RELT: variants seen among roughly 807,000 people sequenced by gnomAD.
The protein encoded by RELT is RELT TNF receptor.
RELT carries 37 observed loss-of-function variants against 51.1 expected under a neutral mutation model. The ratio of observed to expected loss-of-function variants is 0.72; its 90% CI spans 0.56 to 0.95. The LOEUF (loss-of-function observed/expected upper bound fraction) is 0.95, where lower values mean the gene tolerates loss of function less well. RELT is among the 40% of genes least tolerant of loss of function. RELT has a pLI of 0.00. For synonymous variants in RELT, 241 were observed against 235.7 expected, an observed-to-expected ratio of 1.02 and a Z score of -0.21; for missense variants, 535 against 572.6, an observed-to-expected ratio of 0.93 and a Z score of 0.67.
chr11:73,378,660 T>C (rs972235046), intron 1 of RELT, among the ~76,000 whole-genome samples: 1 of 152,212 alleles, frequency 6.6e-6, no homozygotes, highest in African/African-American at 2.4e-5. Flanking sequence ...GGGCATTACA[T>C]TGTGAGTTCT....
At chr11:73,385,240 A>G (rs1353386516) in intron 1 of RELT, among the ~76,000 whole-genome samples, 2 of 152,140 alleles carry the variant, frequency 1.3e-5, no homozygotes, top group Non-Finnish European at 2.9e-5. Context: ...GTGGCGTGGC[A>G]GGGCCCGGGT....
intron 6 of RELT, 169 bp downstream of exon 6, chr11:73,392,637 A>T (rs1866237474): frequency 2.1e-6 from 3 of 1,409,858 alleles, no homozygotes; most frequent in Non-Finnish European, 2.8e-6. Context: ...AAGGGGACGA[A>T]GGTGTGGCCG....
Position 73,394,997 on chromosome 11 carries a change from T to C in RELT, c.1047-90T>C, listed in dbSNP as rs915233529. 12 of 1,211,358 alleles carry C rather than the reference T, an allele frequency of 9.9e-6. No homozygotes were observed. The highest frequency in any genetic ancestry group is 1.2e-5 in the Non-Finnish European group (10 of 837,814). 75.0% of individuals were successfully genotyped at this position (1,211,358 alleles called of 1,614,324 possible). A position where few individuals can be genotyped will look rare whatever the true frequency, so the allele number is the denominator to read the frequency against. Reference sequence around the variant, plus strand: ...CCTCTCAGGCTAAGGCTCTGGTCCATGAACTTGCTGTGTGACCCCGGGCAC... The same window carrying C: ...CCTCTCAGGCTAAGGCTCTGGTCCACGAACTTGCTGTGTGACCCCGGGCAC... On this transcript the variant is annotated intron_variant, in intron 9 of 10. Transcript: ENST00000064780. The surrounding 1 kb of genome is among the most constrained non-coding windows in gnomAD (Gnocchi z 4.9).
At chr11:73,379,138 T>C (rs970169176) in intron 1 of RELT, among the ~76,000 whole-genome samples, 1 of 152,206 alleles carries the variant, frequency 6.6e-6, no homozygotes, top group Admixed American at 6.5e-5. Flanking sequence ...CTCTCTGCAA[T>C]GACTGGAGCT....
chr11:73,386,284 C>T (rs1866122594), intron 1 of RELT, among the ~76,000 whole-genome samples: 1 of 152,332 alleles, frequency 6.6e-6, no homozygotes, highest in Non-Finnish European at 1.5e-5. Flanking sequence ...TGTCAGGCAT[C>T]GGAGGCTCTG....
chr11:73,394,568 T>C lies in RELT; in HGVS notation c.880T>C (p.Cys294Arg). Reference sequence around the variant, plus strand: ...GGGCCTGGCCTCGCTCTCTGGCCCCTGCTGCTCCCGCTGTAGCCAGAAGAA... The same window carrying C: ...GGGCCTGGCCTCGCTCTCTGGCCCCCGCTGCTCCCGCTGTAGCCAGAAGAA... ...VQGLASLSGP[C>R]CSRCSQKKWP... Residue 294 changes from cysteine (C) to arginine (R), a missense_variant, in exon 9 of 11, where the codon TGC becomes CGC. Coordinates refer to ENST00000064780, the MANE Select transcript of RELT (RefSeq NM_152222.2). This position sits in a 1 kb window ranked among gnomAD's most constrained non-coding sequence, Gnocchi z 4.9. 2 of 1,612,596 alleles carry C rather than the reference T, an allele frequency of 1.2e-6. No homozygotes were observed. Among genetic ancestry groups the C allele is most frequent in the South Asian group, 1.1e-5 (1 of 91,088 alleles).
In RELT at chr11:73,388,990, C is replaced by A; in HGVS notation, c.-25-122C>A. 1 of 650,546 alleles carries A rather than the reference C, an allele frequency of 1.5e-6. No individual in the cohort carries two copies. 40.3% of individuals were successfully genotyped at this position (650,546 alleles called of 1,614,324 possible). A position where few individuals can be genotyped will look rare whatever the true frequency, so the allele number is the denominator to read the frequency against. On this transcript the variant is annotated intron_variant, in intron 1 of 10. Coordinates refer to ENST00000064780, the MANE Select transcript of RELT (RefSeq NM_152222.2). This position sits in a 1 kb window ranked among gnomAD's most constrained non-coding sequence, Gnocchi z 4.1. The stretch of plus-strand genomic sequence containing the variant: ...GTGGAGCCGGCCTCCCCGGGCTCTG[C>A]CTGCCCAGCAGCACCTTGCCTGCTC...
intron 1 of RELT, among the ~76,000 whole-genome samples, chr11:73,377,035 C>T (rs950005451): frequency 4.6e-5 from 7 of 152,166 alleles, no homozygotes; most frequent in Non-Finnish European, 7.4e-5. Flanking sequence ...CCGGGCCGAG[C>T]GGGCGACACA....
At chr11:73,393,606 A>G (rs1187751226) in intron 6 of RELT, 2 of 1,490,304 alleles carry the variant, frequency 1.3e-6, no homozygotes, top group Admixed American at 2.0e-5. Context: ...TGAAGCCTCT[A>G]TGCACCCGGG....
In RELT at chr11:73,394,268, G is replaced by A. The variant is rs1468008291; in HGVS notation, c.739G>A (p.Glu247Lys). Residue 247 changes from glutamate to lysine, a missense_variant, in exon 8 of 11, where the codon GAG becomes AAG. Coordinates refer to ENST00000064780, the MANE Select transcript of RELT (RefSeq NM_152222.2). This position sits in a 1 kb window ranked among gnomAD's most constrained non-coding sequence, Gnocchi z 4.9. ...NAAALEELLK[E>K]YHSKQLVQTS... Reference sequence around the variant, plus strand: ...TGCGGCCCTGGAGGAGCTGCTGAAAGAGTACCACAGCAAACAGCTGGTGCA... The same window carrying A: ...TGCGGCCCTGGAGGAGCTGCTGAAAAAGTACCACAGCAAACAGCTGGTGCA... 1 of 1,611,786 alleles carries A rather than the reference G, an allele frequency of 6.2e-7. No homozygotes were observed. Among genetic ancestry groups the A allele is most frequent in the African/African-American group, 1.3e-5 (1 of 74,854 alleles).
chr11:73,391,055 A>T, intron 4 of RELT, 89 bp from the exon 5 acceptor site: 1 of 1,524,352 alleles, frequency 6.6e-7, no homozygotes, highest in South Asian at 1.1e-5. Flanking sequence ...AGGACCACGG[A>T]GGGTGCCTGG....
rs368848005 is a variant in RELT at position 73,389,158 on chromosome 11, C to T, written c.22C>T (p.Arg8Trp). 3.1e-5 allele frequency: 48 copies of T among 1,550,842 alleles called. No individual in the cohort carries two copies. The highest frequency in any genetic ancestry group is 3.5e-4 in the Middle Eastern group (2 of 5,636). The change falls in exon 2 of 11, where the codon CGG becomes TGG. Residue 8 changes from arginine to tryptophan, a missense_variant. Transcript: ENST00000064780. MKPSLLC[R>W]PLSCFLMLLP... ...GAGGATGAAGCCAAGTCTGCTGTGC[C>T]GGCCCCTGTCCTGCTTCCTTATGGT...
rs923278675 is a variant in RELT, at chr11:73,388,199, G to C, written c.-25-913G>C. ...CTGCACTCCCACTCTGCTTTATTTC[G>C]TTTCTTGGCACTTACCACCAAATGG... On this transcript the variant is annotated intron_variant, in intron 1 of 10. Coordinates refer to ENST00000064780, the MANE Select transcript of RELT (RefSeq NM_152222.2). This position sits in a 1 kb window ranked among gnomAD's most constrained non-coding sequence, Gnocchi z 4.1. Among the ~76,000 whole-genome samples, 9 of 152,332 alleles carry C rather than the reference G, an allele frequency of 5.9e-5. No individual in the cohort carries two copies. The highest frequency in any genetic ancestry group is 2.2e-4 in the African/African-American group (9 of 41,576).
intron 5 of RELT, among the ~76,000 whole-genome samples, 200 bp downstream of exon 5, chr11:73,391,423 G>A (rs1866213393): frequency 6.6e-6 from 1 of 152,204 alleles, no homozygotes; most frequent in Non-Finnish European, 1.5e-5. Context: ...CCATGCTTCC[G>A]AGTGGCAGAG....
chr11:73,391,103 G>C, intron 4 of RELT, 41 bp from the exon 5 acceptor site: 1 of 1,597,810 alleles, frequency 6.3e-7, no homozygotes, highest in South Asian at 1.1e-5. Context: ...ATAGTGTTTG[G>C]GGAAACTTCT....
At position 73,388,960 on chromosome 11, in the gene RELT, C is replaced by CGGG. The variant is rs1296184925; in HGVS notation, c.-25-151_-25-149dup. Among the ~76,000 whole-genome samples the CGGG allele has an allele frequency of 6.6e-6, 1 of 152,164 alleles. No homozygotes were observed. The highest frequency in any genetic ancestry group is 1.5e-5 in the Non-Finnish European group (1 of 68,012). On this transcript the variant is annotated intron_variant, in intron 1 of 10. Transcript: ENST00000064780. This position sits in a 1 kb window ranked among gnomAD's most constrained non-coding sequence, Gnocchi z 4.1. ...CCCCCTCTGCTTGGGCCTGTGCTTG[C>CGGG]GGGTGTGGAGCCGGCCTCCCCGGGC... is the stretch of plus-strand genomic sequence containing the variant.
In RELT at chr11:73,394,701, G is replaced by A. The variant is rs147659360; in HGVS notation, c.1013G>A (p.Arg338His). The change falls in exon 9 of 11, where the codon CGT (arginine) becomes CAT (histidine). Residue 338 changes from arginine (R) to histidine (H), a missense_variant. Arg to His is a conservative substitution (Grantham distance 29). Coordinates refer to ENST00000064780, the MANE Select transcript of RELT (RefSeq NM_152222.2). This position sits in a 1 kb window ranked among gnomAD's most constrained non-coding sequence, Gnocchi z 4.9. ...RVPKAGAKAGRQGEITILSVG... is the reference protein window; with the variant it reads ...RVPKAGAKAGHQGEITILSVG... ...CCCAAGGCCGGGGCCAAGGCAGGGC[G>A]TCAGGGCGAGATCACCATCTTGTCT... 8.7e-6 allele frequency: 14 copies of A among 1,611,956 alleles called. No homozygotes were observed. The East Asian group carries it at 1.1e-4, about 13-fold the overall frequency.
intron 1 of RELT, among the ~76,000 whole-genome samples, chr11:73,377,720 C>G (rs1044896188): frequency 1.3e-5 from 2 of 151,062 alleles, no homozygotes; most frequent in African/African-American, 2.4e-5. Context: ...CTCAGTCTCC[C>G]CATCTGCACA....
intron 1 of RELT, among the ~76,000 whole-genome samples, chr11:73,377,476 G>A (rs1865986721): frequency 6.6e-6 from 1 of 152,014 alleles, no homozygotes; most frequent in Non-Finnish European, 1.5e-5. Flanking sequence ...TGAGGGATAG[G>A]CCCTGGCTGA....
Sources: allele counts gnomAD v4.1 joint callset (sites outside exome capture counted in the v4.1 genomes callset), GRCh38; gene constraint gnomAD v4.1.1; non-coding constraint Gnocchi (gnomAD v3.1); transcripts MANE v1.5; gene names NCBI Gene and HGNC (gene_info 2026-07-23, HGNC 2026-07-21).